PXN: variants seen among roughly 807,000 people sequenced by gnomAD.
The protein encoded by PXN is paxillin, also known as testicular tissue protein Li 134.
In PXN, 61 loss-of-function variants were observed where a neutral mutation model predicts 103.6. That is an observed-to-expected ratio of 0.59 (90% CI 0.48 to 0.73). The LOEUF (loss-of-function observed/expected upper bound fraction) is 0.73. Ranked by LOEUF, PXN falls within the 30% of genes least tolerant of loss-of-function variation. The pLI is 0.00. For missense variants in PXN, 1,274 were observed against 1,460.3 expected (o/e 0.87, Z 2.08); for synonymous variants, 562 against 607.8 (o/e 0.92, Z 1.11).
At chr12:120,238,488 AG>A (rs1346109559) in intron 1 of PXN, among the ~76,000 whole-genome samples, 4 of 152,008 alleles carry the variant, frequency 2.6e-5, no homozygotes, top group Non-Finnish European at 5.9e-5. Context: ...TTGATGGGGG[AG>A]GGGGTACACA....
intron 1 of PXN, among the ~76,000 whole-genome samples, chr12:120,251,490 C>A (rs2136631863): frequency 1.3e-5 from 2 of 151,736 alleles, no homozygotes; most frequent in South Asian, 4.2e-4. Flanking sequence ...GCACTCCAGC[C>A]TGGATGACAA....
intron 1 of PXN, among the ~76,000 whole-genome samples, chr12:120,261,034 CCT>C (rs749552777): frequency 1.3e-5 from 2 of 152,190 alleles, no homozygotes; most frequent in Non-Finnish European, 2.9e-5. Flanking sequence ...AGTGGGCTCA[CCT>C]CTCTGTGTCT....
At chr12:120,248,274 G>A (rs1315802288) in intron 1 of PXN, among the ~76,000 whole-genome samples, 2 of 152,066 alleles carry the variant, frequency 1.3e-5, no homozygotes, top group Non-Finnish European at 2.9e-5. Context: ...CCACAGAGCA[G>A]GAAATGCTCC....
intron 1 of PXN, among the ~76,000 whole-genome samples, chr12:120,235,433 G>T (rs1022633786): frequency 6.6e-6 from 1 of 152,044 alleles, no homozygotes; most frequent in Non-Finnish European, 1.5e-5. Flanking sequence ...ACCCAGAGCC[G>T]CCCCATAAGG....
At chr12:120,241,467 G>GGGACAGCCTCACCTT (rs1305338137) in intron 1 of PXN, among the ~76,000 whole-genome samples, 1 of 152,214 alleles carries the variant, frequency 6.6e-6, no homozygotes, top group East Asian at 1.9e-4. Context: ...TGCTCTCACT[G>GGGACAGCCTCACCTT]GGACAGCCTC....
chr12:120,236,776 C>T (rs1430644337), intron 1 of PXN, among the ~76,000 whole-genome samples: 5 of 151,564 alleles, frequency 3.3e-5, no homozygotes, highest in Non-Finnish European at 7.4e-5. Context: ...TGCCTGGCCC[C>T]AGCTGATCTT....
At chr12:120,252,057 T>C (rs1021079789) in intron 1 of PXN, among the ~76,000 whole-genome samples, 18 of 152,106 alleles carry the variant, frequency 1.2e-4, no homozygotes, top group Middle Eastern at 3.2e-3. Flanking sequence ...GGCAACAGCA[T>C]TGATACAGAA....
rs1594386812 is a variant in PXN, at chr12:120,221,124, G to C, written c.831+499C>G. On this transcript the variant is annotated intron_variant, in intron 6 of 14. Coordinates refer to ENST00000637617, the MANE Select transcript of PXN (RefSeq NM_001385981.1). The surrounding 1 kb of genome is among the most constrained non-coding windows in gnomAD (Gnocchi z 6.6). Reference sequence around the variant, plus strand: ...GGCGAGAGGGAAGGATGGGAGAAGAGTAGCAAGGGAGGCTTGTGGATTCAG... The same window carrying C: ...GGCGAGAGGGAAGGATGGGAGAAGACTAGCAAGGGAGGCTTGTGGATTCAG... Among the ~76,000 whole-genome samples the C allele has an allele frequency of 1.3e-5, 2 of 152,294 alleles. No individual in the cohort carries two copies. The highest frequency in any genetic ancestry group is 4.1e-4 in the South Asian group (2 of 4,828).
At position 120,217,253 on chromosome 12, in the gene PXN, A is replaced by T; in HGVS notation, c.1717-137T>A. ...GAACCAAGCGGAGGTGGGTGGAGGC[A>T]CGGGGAGGGGGCAGATTGGACCGGT... On this transcript the variant is annotated intron_variant, in intron 7 of 14. Coordinates refer to ENST00000637617, the MANE Select transcript of PXN (RefSeq NM_001385981.1). This position sits in a 1 kb window ranked among gnomAD's most constrained non-coding sequence, Gnocchi z 4.1. 1.4e-6 allele frequency: 1 copy of T among 735,322 alleles called. No individual in the cohort carries two copies. The highest frequency in any genetic ancestry group is 2.8e-5 in the East Asian group (1 of 35,794). 45.5% of individuals were successfully genotyped at this position (735,322 alleles called of 1,614,324 possible).
At chr12:120,245,469 T>A (rs1306662965) in intron 1 of PXN, among the ~76,000 whole-genome samples, 6 of 151,594 alleles carry the variant, frequency 4.0e-5, no homozygotes, top group Non-Finnish European at 7.4e-5. Context: ...TCCTGACATT[T>A]TTGTTAACTT....
At chr12:120,250,197 G>A in intron 1 of PXN, 1 of 984,606 alleles carries the variant, frequency 1.0e-6, no homozygotes, top group Non-Finnish European at 1.2e-6. Flanking sequence ...GCAGGCCATT[G>A]GACACTCCCA....
chr12:120,214,649 A>G lies in PXN; in HGVS notation c.2748+176T>C, dbSNP rs947498788. 6.6e-6 allele frequency among the ~76,000 whole-genome samples: 1 copy of G among 152,134 alleles called. No homozygotes were observed. ...AGGGAGGTGGGGCTGCCCGATGCAC[A>G]TCGGGACAGGCTGTGGTTCAGGTGT... On this transcript the variant is annotated intron_variant, in intron 12 of 14. Transcript: ENST00000637617. The surrounding 1 kb of genome is among the most constrained non-coding windows in gnomAD (Gnocchi z 5.0).
In PXN at chr12:120,213,930, G is replaced by A; in HGVS notation, c.2891C>T (p.Pro964Leu). 1.2e-6 allele frequency: 2 copies of A among 1,612,430 alleles called. No homozygotes were observed. The highest frequency in any genetic ancestry group is 2.2e-5 in the South Asian group (2 of 90,546). The change falls in exon 14 of 15, where the codon CCC becomes CTC. Residue 964 changes from proline (P) to leucine (L), a missense_variant. Around this residue, in one of 2 missense-constraint regions of PXN, gnomAD observed 1,178 missense variants for 1,309.0 expected, o/e 0.90. Coordinates refer to ENST00000637617, the MANE Select transcript of PXN (RefSeq NM_001385981.1). This position sits in a 1 kb window ranked among gnomAD's most constrained non-coding sequence, Gnocchi z 4.2. Reference protein sequence around the residue: ...CRKDYFDMFAPKCGGCARAIL... With the variant: ...CRKDYFDMFALKCGGCARAIL... ...GGCCCGGGCGCAGCCGCCACACTTG[G>A]GTGCGAACATGTCGAAGTAGTCCTT...
Position 120,225,987 on chromosome 12 carries a change from AG to A in PXN, c.14-1611del, listed in dbSNP as rs1886764403. ...CCCGGGTCTGGTCGCCTGACCTCCA[AG>A]GAAGTTCAGGTCCTACAGCCCGCCC... On this transcript the variant is annotated intron_variant, in intron 1 of 14. Coordinates refer to ENST00000637617, the MANE Select transcript of PXN (RefSeq NM_001385981.1). This position sits in a 1 kb window ranked among gnomAD's most constrained non-coding sequence, Gnocchi z 4.4. 1 of 961,528 alleles carries A rather than the reference AG, an allele frequency of 1.0e-6. No homozygotes were observed. The highest frequency in any genetic ancestry group is 1.3e-6 in the Non-Finnish European group (1 of 776,122). 59.6% of individuals were successfully genotyped at this position (961,528 alleles called of 1,614,324 possible). A position where few individuals can be genotyped will look rare whatever the true frequency, so the allele number is the denominator to read the frequency against.
At chr12:120,241,334 C>T (rs753928518) in intron 1 of PXN, among the ~76,000 whole-genome samples, 2 of 152,286 alleles carry the variant, frequency 1.3e-5, no homozygotes, top group Admixed American at 6.5e-5. Context: ...CTGACCCAGG[C>T]AGCAAACTCC....
chr12:120,214,055 C>G lies in PXN; in HGVS notation c.2831-65G>C. ...TTCCAGAAGTGGAGCCACTCTGACT[C>G]CAACCTCAGCAGCGTCTCCCACCCC... On this transcript the variant is annotated intron_variant, in intron 13 of 14. Coordinates refer to ENST00000637617, the MANE Select transcript of PXN (RefSeq NM_001385981.1). This position sits in a 1 kb window ranked among gnomAD's most constrained non-coding sequence, Gnocchi z 5.0. The G allele has an allele frequency of 1.9e-6, 3 of 1,585,532 alleles. No homozygotes were observed. The highest frequency in any genetic ancestry group is 1.2e-5 in the South Asian group (1 of 86,722).
rs548551087 is a variant in PXN at position 120,211,715 on chromosome 12, G to A, written c.*599C>T. The A allele has an allele frequency of 1.1e-4, 38 of 344,664 alleles. No homozygotes were observed. The highest frequency in any genetic ancestry group is 8.4e-4 in the South Asian group (38 of 45,300). The allele number at this position is 344,664 out of a possible 1,614,324, so 21.4% of individuals were successfully genotyped here. A position where few individuals can be genotyped will look rare whatever the true frequency, so the allele number is the denominator to read the frequency against. On this transcript the variant is annotated 3_prime_UTR_variant, in exon 15 of 15. Transcript: ENST00000637617. The stretch of plus-strand genomic sequence containing the variant: ...CAGTAGAACAAGAGCAGGTATAAAA[G>A]GGGAGGGCGGGTCTAAAAGGCAGGG...
rs1257075739 is a variant in PXN at position 120,215,031 on chromosome 12, A to G, written c.2575-33T>C. On this transcript the variant is annotated intron_variant, in intron 11 of 14. Coordinates refer to ENST00000637617, the MANE Select transcript of PXN (RefSeq NM_001385981.1). This position sits in a 1 kb window ranked among gnomAD's most constrained non-coding sequence, Gnocchi z 4.9. Reference sequence around the variant, plus strand: ...GGAGATGGAATGCGGTCCAGGGCCAAGGCCAGCCCCGGAGCACCCCCACCC... The same window carrying G: ...GGAGATGGAATGCGGTCCAGGGCCAGGGCCAGCCCCGGAGCACCCCCACCC... 18 of 1,607,532 alleles carry G rather than the reference A, an allele frequency of 1.1e-5. No individual in the cohort carries two copies. Among genetic ancestry groups the G allele is most frequent in the Non-Finnish European group, 1.4e-5 (17 of 1,177,052 alleles).
chr12:120,223,796 T>C lies in PXN; in HGVS notation c.278A>G (p.Lys93Arg). The part of the protein sequence containing the change: ...SSSPVYGSSA[K>R]TSSVSNPQDS... ...CTGAGGGTTGGAGACACTGGAAGTT[T>C]TGGCACTGGAGCCGTACACAGGTGA... The change falls in exon 3 of 15, where the codon AAA becomes AGA. Residue 93 changes from lysine (K) to arginine (R), a missense_variant. Around this residue, in one of 2 missense-constraint regions of PXN, gnomAD observed 1,178 missense variants for 1,309.0 expected, o/e 0.90. Transcript: ENST00000637617. 6.2e-7 allele frequency: 1 copy of C among 1,610,366 alleles called. No individual in the cohort carries two copies. The highest frequency in any genetic ancestry group is 1.3e-5 in the African/African-American group (1 of 75,008).
Sources: gnomAD v4.1 joint callset for allele counts (sites outside exome capture counted in the v4.1 genomes callset) on GRCh38, gnomAD v4.1.1 for gene constraint, gnomAD v4.1.1 regional missense constraint, Gnocchi (gnomAD v3.1) non-coding constraint, MANE v1.5 for transcripts, NCBI Gene and HGNC (gene_info 2026-07-23, HGNC 2026-07-21) for gene names.